The following ZBTB20 variants were observed in gnomAD, a reference collection of about 807,000 sequenced individuals.
The protein encoded by ZBTB20 is zinc finger and BTB domain containing 20.
Under a neutral mutation model 56.9 loss-of-function variants are expected in ZBTB20, and 9 were observed. That is an observed-to-expected ratio of 0.16 (90% CI 0.10 to 0.28). ZBTB20 has a LOEUF of 0.28. Ranked by LOEUF, ZBTB20 falls within the 10% of genes least tolerant of loss-of-function variation. The probability of loss-of-function intolerance (pLI) is 1.00; values close to 1 mark genes in which losing one functional copy is unlikely to be tolerated. For synonymous variants in ZBTB20, 417 were observed against 420.7 expected (o/e 0.99, Z 0.11); for missense variants, 655 against 1,003.0 (o/e 0.65, Z 4.69).
chr3:115,113,195 C>T (rs562645517), intron 1 of ZBTB20, among the ~76,000 whole-genome samples: 1 of 152,202 alleles, frequency 6.6e-6, no homozygotes, highest in South Asian at 2.1e-4. Flanking sequence ...GGTTATTAGT[C>T]CCTTGTCAGA....
chr3:115,118,703 A>ATTTTTTTTTTTTTTTTT lies in ZBTB20; in HGVS notation c.-703+28499_-703+28515dup, dbSNP rs35607205. Among the ~76,000 whole-genome samples the ATTTTTTTTTTTTTTTTT allele has an allele frequency of 9.7e-5, 8 of 82,212 alleles. 1 individual carries two copies. Among genetic ancestry groups the ATTTTTTTTTTTTTTTTT allele is most frequent in the Non-Finnish European group, 1.8e-4 (8 of 45,040 alleles). The allele number at this position is 82,212 out of a possible 152,430, so 53.9% of individuals were successfully genotyped here. A position where few individuals can be genotyped will look rare whatever the true frequency, so the allele number is the denominator to read the frequency against. ...GGACCTAAAACTTTACCTGGTACAA[A>ATTTTTTTTTTTTTTTTT]TTTTTTTTTTTTTTTTTTTTTTTTT... On this transcript the variant is annotated intron_variant, in intron 1 of 11. Transcript: ENST00000675478.
chr3:114,678,533 A>G (rs1336820105), intron 6 of ZBTB20, among the ~76,000 whole-genome samples: 1 of 152,152 alleles, frequency 6.6e-6, no homozygotes, highest in Non-Finnish European at 1.5e-5. Context: ...AAAGATTTGA[A>G]GTGAGTAACT....
intron 6 of ZBTB20, among the ~76,000 whole-genome samples, chr3:114,556,740 A>G (rs1363016808): frequency 1.3e-5 from 2 of 152,066 alleles, no homozygotes; most frequent in Non-Finnish European, 2.9e-5. Flanking sequence ...GATTATTAGT[A>G]TCTCCAAAGA....
intron 3 of ZBTB20, among the ~76,000 whole-genome samples, chr3:114,968,122 A>T (rs1243879982): frequency 6.6e-6 from 1 of 152,156 alleles, no homozygotes; most frequent in Non-Finnish European, 1.5e-5. Context: ...CAATCTATTT[A>T]GTATATTTGA....
Position 114,888,332 on chromosome 3 carries a change from G to A in ZBTB20, c.-417+11972C>T, listed in dbSNP as rs1324140135. ...CAGCTACTGGGAAGCTGAGATGGGA[G>A]GACTGCCTGGGAGGTTGAGACTGCA... On this transcript the variant is annotated intron_variant, in intron 4 of 11. Coordinates refer to ENST00000675478, the MANE Select transcript of ZBTB20 (RefSeq NM_001348800.3). 2.0e-5 allele frequency among the ~76,000 whole-genome samples: 3 copies of A among 152,132 alleles called. No homozygotes were observed. The East Asian group carries it at 5.8e-4, about 29-fold the overall frequency.
intron 7 of ZBTB20, among the ~76,000 whole-genome samples, chr3:114,429,401 T>C (rs1016911505): frequency 6.6e-6 from 1 of 152,214 alleles, no homozygotes; most frequent in Non-Finnish European, 1.5e-5. Flanking sequence ...ATGTTTCTGG[T>C]ACCCCACATC....
At chr3:114,912,275 T>C (rs1436728592) in intron 3 of ZBTB20, among the ~76,000 whole-genome samples, 1 of 150,468 alleles carries the variant, frequency 6.6e-6, no homozygotes, top group African/African-American at 2.4e-5. Flanking sequence ...AAGAAAGCTC[T>C]TGGAGTGGAA....
At chr3:114,539,129 G>T (rs12487346) in intron 6 of ZBTB20, among the ~76,000 whole-genome samples, 4 of 151,858 alleles carry the variant, frequency 2.6e-5, no homozygotes, top group Non-Finnish European at 4.4e-5. Flanking sequence ...TAAGTGTCCA[G>T]GCTCCTTCCA....
intron 10 of ZBTB20, chr3:114,359,601 A>G (rs2081597084): frequency 1.3e-5 from 2 of 152,172 alleles, no homozygotes; most frequent in African/African-American, 4.8e-5. Flanking sequence ...TTCCTTACAA[A>G]TTTAGCTACT....
At chr3:114,447,374 C>G (rs1326738210) in intron 7 of ZBTB20, among the ~76,000 whole-genome samples, 1 of 152,178 alleles carries the variant, frequency 6.6e-6, no homozygotes, top group Non-Finnish European at 1.5e-5. Context: ...CAATGAATAT[C>G]ACCAAAATCC....
chr3:114,612,301 A>G (rs1560035604), intron 6 of ZBTB20, among the ~76,000 whole-genome samples: 1 of 152,158 alleles, frequency 6.6e-6, no homozygotes, highest in African/African-American at 2.4e-5. Flanking sequence ...GCATAATGGC[A>G]GATTGGTAAT....
chr3:114,462,013 T>C (rs986440902), intron 7 of ZBTB20, among the ~76,000 whole-genome samples: 4 of 152,232 alleles, frequency 2.6e-5, no homozygotes, highest in African/African-American at 9.6e-5. Context: ...TTGTCTCATC[T>C]GTAAGATGGA....
intron 10 of ZBTB20, among the ~76,000 whole-genome samples, chr3:114,373,049 T>C (rs1381439316): frequency 1.3e-5 from 2 of 152,008 alleles, no homozygotes. Context: ...CCCAAGTAGC[T>C]GGGACTAGAG....
intron 11 of ZBTB20, among the ~76,000 whole-genome samples, chr3:114,344,803 A>G (rs770274375): frequency 1.3e-5 from 2 of 152,238 alleles, no homozygotes; most frequent in Non-Finnish European, 2.9e-5. Context: ...TTGTTATGCT[A>G]CTATTGTTAC....
intron 7 of ZBTB20, among the ~76,000 whole-genome samples, chr3:114,407,479 C>T (rs553393053): frequency 6.6e-6 from 1 of 152,174 alleles, no homozygotes; most frequent in Admixed American, 6.6e-5. Context: ...TTATATTTCA[C>T]TCCCTTGATT....
intron 5 of ZBTB20, among the ~76,000 whole-genome samples, chr3:114,737,068 A>C (rs2066225652): frequency 6.6e-6 from 1 of 152,278 alleles, no homozygotes; most frequent in East Asian, 1.9e-4. Context: ...TGATTATTGC[A>C]ATAGTTAGAA....
chr3:114,856,140 C>T (rs1450579521), intron 4 of ZBTB20, among the ~76,000 whole-genome samples: 4 of 152,248 alleles, frequency 2.6e-5, no homozygotes, highest in African/African-American at 7.2e-5. Context: ...GGGTTGATTA[C>T]TAAGTGACGT....
In ZBTB20 at chr3:115,030,822, T is replaced by G. The variant is rs369334831; in HGVS notation, c.-507+40397A>C. Among the ~76,000 whole-genome samples the G allele has an allele frequency of 2.0e-5, 3 of 151,370 alleles. No homozygotes were observed. In the East Asian group the frequency reaches 5.8e-4, roughly 29 times the overall value. ...TGTCCCACAATTTATCACTTAAAGT[T>G]TATTGTTTTTAAATGATTTCTCATT... On this transcript the variant is annotated intron_variant, in intron 2 of 11. Coordinates refer to ENST00000675478, the MANE Select transcript of ZBTB20 (RefSeq NM_001348800.3).
chr3:114,706,238 G>A (rs773437169), intron 5 of ZBTB20, among the ~76,000 whole-genome samples: 8 of 152,070 alleles, frequency 5.3e-5, no homozygotes, highest in African/African-American at 4.8e-5. Context: ...TTGCAGGAAC[G>A]TTGTGAAGAT....
Sources: allele counts gnomAD v4.1 joint callset (sites outside exome capture counted in the v4.1 genomes callset), GRCh38; gene constraint gnomAD v4.1.1; transcripts MANE v1.5; gene names NCBI Gene and HGNC (gene_info 2026-07-23, HGNC 2026-07-21).